Variants in VWC2L observed in about 807,000 individuals in gnomAD.
VWC2L encodes the protein von Willebrand factor C domain containing 2 like, also known as von Willebrand factor C domain-containing protein 2-like.
VWC2L carries 10 observed loss-of-function variants against 21.6 expected under a neutral mutation model. That is an observed-to-expected ratio of 0.46 (90% CI 0.29 to 0.78). The LOEUF (loss-of-function observed/expected upper bound fraction) is 0.78. Ranked by LOEUF, VWC2L falls within the 30% of genes least tolerant of loss-of-function variation. The pLI, the probability that VWC2L is intolerant of heterozygous loss-of-function variation, is 0.10. For synonymous variants in VWC2L, 96 were observed against 94.3 expected (o/e 1.02, Z -0.10); for missense variants, 209 against 277.1 (o/e 0.75, Z 1.74).
chr2:214,494,006 A>C (rs1028262426), intron 3 of VWC2L, among the ~76,000 whole-genome samples: 2 of 152,212 alleles, frequency 1.3e-5, no homozygotes, highest in Non-Finnish European at 2.9e-5. Context: ...TAATAAGCTA[A>C]CAAACTAATT....
chr2:214,415,652 G>T (rs889200563), intron 2 of VWC2L, among the ~76,000 whole-genome samples: 5 of 152,182 alleles, frequency 3.3e-5, no homozygotes, highest in Admixed American at 2.6e-4. Context: ...ATCATCATTA[G>T]CATAATCTGT....
chr2:214,532,348 C>A (rs1246100447), intron 3 of VWC2L, among the ~76,000 whole-genome samples: 1 of 151,584 alleles, frequency 6.6e-6, no homozygotes, highest in African/African-American at 2.4e-5. Context: ...ATGGATATTA[C>A]TGAGGTAAGA....
chr2:214,576,768 T>G lies in VWC2L; in HGVS notation c.*948T>G, dbSNP rs926017688. 1.3e-5 allele frequency: 2 copies of G among 152,116 alleles called. No individual in the cohort carries two copies. The highest frequency in any genetic ancestry group is 2.9e-5 in the Non-Finnish European group (2 of 68,014). 9.4% of individuals were successfully genotyped at this position (152,116 alleles called of 1,614,324 possible). A position where few individuals can be genotyped will look rare whatever the true frequency, so the allele number is the denominator to read the frequency against. ...AACATCTCTGGCTTTTGAGTTCAGA[T>G]TTGGCTAAAAGTCAGTAGTACACAC... On this transcript the variant is annotated 3_prime_UTR_variant, in exon 4 of 4. Transcript: ENST00000312504.
intron 3 of VWC2L, among the ~76,000 whole-genome samples, chr2:214,567,547 TAC>T (rs71409879): frequency 0.032 from 3,784 of 119,698 alleles, 124 homozygotes; most frequent in African/African-American, 0.077. Context: ...TTCATCCACA[TAC>T]ACACACACAC....
At chr2:214,559,616 T>A (rs1689933034) in intron 3 of VWC2L, among the ~76,000 whole-genome samples, 4 of 81,604 alleles carry the variant, frequency 4.9e-5, no homozygotes, top group Admixed American at 3.0e-4. Context: ...TCTTTTTTCA[T>A]TTTTTTTTTT....
chr2:214,505,557 T>C (rs1353467830), intron 3 of VWC2L, among the ~76,000 whole-genome samples: 1 of 150,958 alleles, frequency 6.6e-6, no homozygotes, highest in Non-Finnish European at 1.5e-5. Flanking sequence ...TTAGCCATAA[T>C]TAAAAGACAT....
At chr2:214,469,049 AAAT>A (rs1378744518) in intron 3 of VWC2L, among the ~76,000 whole-genome samples, 5 of 150,850 alleles carry the variant, frequency 3.3e-5, no homozygotes, top group African/African-American at 1.2e-4. Context: ...TTCAGTATAA[AAAT>A]AATCATTTTT....
chr2:214,550,846 C>A (rs1689782718), intron 3 of VWC2L, among the ~76,000 whole-genome samples: 1 of 152,142 alleles, frequency 6.6e-6, no homozygotes, highest in Non-Finnish European at 1.5e-5. Context: ...CACTTTCCTA[C>A]CTCAAACTTT....
chr2:214,551,720 C>T (rs1448896689), intron 3 of VWC2L, among the ~76,000 whole-genome samples: 1 of 152,184 alleles, frequency 6.6e-6, no homozygotes, highest in Non-Finnish European at 1.5e-5. Flanking sequence ...ATCCCAAACC[C>T]GCATCAATCT....
At chr2:214,521,234 GATAAATAAATAA>G (rs72394017) in intron 3 of VWC2L, among the ~76,000 whole-genome samples, 31,719 of 140,342 alleles carry the variant, frequency 0.23, 4,100 homozygotes, top group East Asian at 0.46. Context: ...CCATCTCAAA[GATAAATAAATAA>G]ATAAATAAAT....
chr2:214,545,491 G>T (rs1259309952), intron 3 of VWC2L, among the ~76,000 whole-genome samples: 2 of 152,140 alleles, frequency 1.3e-5, no homozygotes, highest in Non-Finnish European at 2.9e-5. Context: ...CAGTCATTTT[G>T]TTCAAGTATC....
chr2:214,450,269 C>G (rs2126184296), intron 3 of VWC2L, among the ~76,000 whole-genome samples: 1 of 152,254 alleles, frequency 6.6e-6, no homozygotes, highest in Non-Finnish European at 1.5e-5. Context: ...CTTGTACTTA[C>G]AGTAAGTGCA....
intron 3 of VWC2L, among the ~76,000 whole-genome samples, chr2:214,566,657 T>C (rs1481426083): frequency 6.6e-6 from 1 of 151,948 alleles, no homozygotes; most frequent in African/African-American, 2.4e-5. Flanking sequence ...ATAGAGGCCC[T>C]CTACTCTTTG....
At chr2:214,421,287 AG>A (rs2126171979) in intron 2 of VWC2L, among the ~76,000 whole-genome samples, 1 of 152,326 alleles carries the variant, frequency 6.6e-6, no homozygotes, top group South Asian at 2.1e-4. Flanking sequence ...TTTCTAAAAG[AG>A]AGTAGAATTA....
intron 3 of VWC2L, among the ~76,000 whole-genome samples, chr2:214,478,229 T>C (rs1688552746): frequency 2.0e-5 from 3 of 152,164 alleles, no homozygotes; most frequent in East Asian, 1.9e-4. Flanking sequence ...TAAAAAATAA[T>C]ATCTGTTGGG....
chr2:214,454,916 A>G (rs1444373965), intron 3 of VWC2L, among the ~76,000 whole-genome samples: 2 of 152,102 alleles, frequency 1.3e-5, no homozygotes, highest in African/African-American at 2.4e-5. Flanking sequence ...TCAACTTTGC[A>G]TTCCTGAGAT....
At chr2:214,521,261 A>G (rs894575976) in intron 3 of VWC2L, among the ~76,000 whole-genome samples, 1 of 150,494 alleles carries the variant, frequency 6.6e-6, no homozygotes, top group Non-Finnish European at 1.5e-5. Flanking sequence ...ATAAATAAAT[A>G]AATAAATAAA....
intron 3 of VWC2L, among the ~76,000 whole-genome samples, chr2:214,569,508 A>G (rs1265134043): frequency 3.3e-5 from 5 of 152,170 alleles, no homozygotes; most frequent in African/African-American, 1.2e-4. Context: ...AACACCCACC[A>G]TGGCCAGTTT....
At chr2:214,414,794 AT>A (rs1369518517) in intron 2 of VWC2L, 25 of 578,270 alleles carry the variant, frequency 4.3e-5, no homozygotes, top group East Asian at 1.3e-4. Flanking sequence ...AATAACCTTT[AT>A]TTTTTTTCCC....
Sources: allele counts gnomAD v4.1 joint callset (sites outside exome capture counted in the v4.1 genomes callset), GRCh38; gene constraint gnomAD v4.1.1; transcripts MANE v1.5; gene names NCBI Gene and HGNC (gene_info 2026-07-23, HGNC 2026-07-21).